The following FHIT variants were observed in gnomAD, a reference collection of about 807,000 sequenced individuals.
FHIT encodes bis(5'-adenosyl)-triphosphatase.
A neutral mutation model predicts 17.9 loss-of-function variants in FHIT; 19 were observed. That is an observed-to-expected ratio of 1.06 (90% CI 0.74 to 1.56). The LOEUF is 1.56. Among genes scored for constraint, FHIT ranks in the 40% most tolerant of loss-of-function variants. The pLI, the probability that FHIT is intolerant of heterozygous loss-of-function variation, is 0.00. For synonymous variants in FHIT, 81 were observed against 69.7 expected (o/e 1.16, Z -0.81); for missense variants, 248 against 189.2 (o/e 1.31, Z -1.82).
chr3:60,019,945 G>A (rs962135233), intron 5 of FHIT, among the ~76,000 whole-genome samples: 3 of 152,010 alleles, frequency 2.0e-5, no homozygotes, highest in African/African-American at 7.2e-5. Context: ...CAGAATAATC[G>A]ACCACAGAAT....
intron 5 of FHIT, among the ~76,000 whole-genome samples, chr3:60,368,292 A>C (rs1171050966): frequency 2.0e-5 from 3 of 151,078 alleles, no homozygotes; most frequent in Admixed American, 6.6e-5. Context: ...CTGTTATTCC[A>C]TCATCTTATT....
At chr3:61,111,842 G>T (rs1324028599) in intron 2 of FHIT, among the ~76,000 whole-genome samples, 1 of 152,130 alleles carries the variant, frequency 6.6e-6, no homozygotes, top group Non-Finnish European at 1.5e-5. Context: ...TTTTTAACCA[G>T]GTGGGTGTCT....
intron 5 of FHIT, among the ~76,000 whole-genome samples, chr3:60,512,284 C>T (rs1272143849): frequency 3.9e-5 from 6 of 152,110 alleles, no homozygotes; most frequent in Non-Finnish European, 5.9e-5. Context: ...TCTAGTCAAC[C>T]AATCAGTAAC....
intron 1 of FHIT, among the ~76,000 whole-genome samples, chr3:61,211,776 C>G (rs1018375282): frequency 6.6e-6 from 1 of 152,210 alleles, no homozygotes; most frequent in Non-Finnish European, 1.5e-5. Flanking sequence ...CTGACTGACA[C>G]CTCACACGGC....
At chr3:60,948,245 C>G (rs1708722854) in intron 3 of FHIT, among the ~76,000 whole-genome samples, 1 of 152,146 alleles carries the variant, frequency 6.6e-6, no homozygotes, top group African/African-American at 2.4e-5. Context: ...TAAGCACTGG[C>G]AAGTCAGGCA....
chr3:59,881,810 G>A (rs1703421555), intron 8 of FHIT, among the ~76,000 whole-genome samples: 1 of 152,218 alleles, frequency 6.6e-6, no homozygotes, highest in African/African-American at 2.4e-5. Flanking sequence ...ATTAATATAT[G>A]GTGTAACTCA....
intron 5 of FHIT, among the ~76,000 whole-genome samples, chr3:60,508,617 A>AC (rs1213651611): frequency 1.3e-5 from 2 of 152,170 alleles, no homozygotes; most frequent in African/African-American, 4.8e-5. Flanking sequence ...AAAGGTGAAA[A>AC]CAAAAAAATA....
In FHIT at chr3:59,762,781, GATC is replaced by G. The variant is rs570713210; in HGVS notation, c.349-10463_349-10461del. Among the ~76,000 whole-genome samples, 590 of 152,318 alleles carry G rather than the reference GATC, an allele frequency of 3.9e-3. 3 individuals are homozygous for G. Among genetic ancestry groups the G allele is most frequent in the African/African-American group, 0.014 (565 of 41,556 alleles). ...GGGCAGTTTTCAGGAATTAATCGCT[GATC>G]ACCAACACCTCACCCCAGGCGCCAT... On this transcript the variant is annotated intron_variant, in intron 8 of 9. Coordinates refer to ENST00000492590, the MANE Select transcript of FHIT (RefSeq NM_002012.4).
intron 7 of FHIT, among the ~76,000 whole-genome samples, chr3:60,000,365 T>A (rs1699681594): frequency 6.6e-6 from 1 of 152,238 alleles, no homozygotes; most frequent in Non-Finnish European, 1.5e-5. Flanking sequence ...AATACGGCCA[T>A]GCTTATTTGT....
chr3:60,176,818 T>C (rs73831966), intron 5 of FHIT, among the ~76,000 whole-genome samples: 1 of 152,158 alleles, frequency 6.6e-6, no homozygotes, highest in Admixed American at 6.5e-5. Context: ...GAAGTCCTGC[T>C]CTAGCCTTTG....
chr3:60,573,314 C>T (rs2856017), intron 4 of FHIT, among the ~76,000 whole-genome samples: 11,170 of 152,244 alleles, frequency 0.073, 534 homozygotes, highest in South Asian at 0.12. Flanking sequence ...TGACACATCC[C>T]TTCTTCTGCA....
At position 60,583,025 on chromosome 3, in the gene FHIT, G is replaced by T. The variant is rs2037796001; in HGVS notation, c.-17-46046C>A. 2.0e-5 allele frequency among the ~76,000 whole-genome samples: 3 copies of T among 151,710 alleles called. No homozygotes were observed. The South Asian group carries it at 6.2e-4, about 32-fold the overall frequency. On this transcript the variant is annotated intron_variant, in intron 4 of 9. Transcript: ENST00000492590. ...TACCGCTTTACTGCTTGAGTGAGAA[G>T]CAACATGGTCCCTATGCGTAAGACA...
At chr3:59,989,624 A>C (rs1263179469) in intron 7 of FHIT, among the ~76,000 whole-genome samples, 1 of 152,090 alleles carries the variant, frequency 6.6e-6, no homozygotes, top group Non-Finnish European at 1.5e-5. Flanking sequence ...TCTATACCTA[A>C]GTAACAGGAA....
intron 3 of FHIT, among the ~76,000 whole-genome samples, chr3:60,949,132 AG>A (rs1218541975): frequency 2.7e-4 from 41 of 152,298 alleles, no homozygotes; most frequent in African/African-American, 9.9e-4. Flanking sequence ...GTTCTTAGCA[AG>A]TTCCGGAACT....
At chr3:59,752,990 T>TC (rs1186261054) in intron 8 of FHIT, among the ~76,000 whole-genome samples, 2 of 152,220 alleles carry the variant, frequency 1.3e-5, no homozygotes, top group African/African-American at 4.8e-5. Flanking sequence ...TCCCAGAATC[T>TC]CCCCCACACT....
chr3:60,396,767 C>G (rs1701457502), intron 5 of FHIT, among the ~76,000 whole-genome samples: 1 of 152,106 alleles, frequency 6.6e-6, no homozygotes, highest in Admixed American at 6.6e-5. Context: ...GAATTGTTCA[C>G]TTAAAATGAT....
chr3:60,306,789 C>G (rs924718982), intron 5 of FHIT, among the ~76,000 whole-genome samples: 1 of 152,118 alleles, frequency 6.6e-6, no homozygotes, highest in African/African-American at 2.4e-5. Flanking sequence ...AGAAGGAGTA[C>G]TAATCACACT....
intron 1 of FHIT, among the ~76,000 whole-genome samples, chr3:61,234,689 T>C (rs1341730744): frequency 6.6e-6 from 1 of 152,258 alleles, no homozygotes; most frequent in African/African-American, 2.4e-5. Context: ...ATTTATTTTC[T>C]TGTGCAGTTG....
intron 8 of FHIT, among the ~76,000 whole-genome samples, chr3:59,902,620 G>A (rs964999221): frequency 2.0e-5 from 3 of 151,750 alleles, no homozygotes; most frequent in African/African-American, 7.3e-5. Flanking sequence ...TTAAAAAGAA[G>A]GAAAGAAAAT....
Sources: gnomAD v4.1 joint callset for allele counts (sites outside exome capture counted in the v4.1 genomes callset) on GRCh38, gnomAD v4.1.1 for gene constraint, MANE v1.5 for transcripts, NCBI Gene and HGNC (gene_info 2026-07-23, HGNC 2026-07-21) for gene names.